SPAG16: variants seen among roughly 807,000 people sequenced by gnomAD.
The protein encoded by SPAG16 is sperm-associated antigen 16 protein.
SPAG16 carries 86 observed loss-of-function variants against 80.4 expected under a neutral mutation model. The ratio of observed to expected loss-of-function variants is 1.07; its 90% CI spans 0.90 to 1.28. The LOEUF is 1.28. SPAG16 is among the 50% of genes most tolerant of loss of function. SPAG16 has a pLI of 0.00. For missense variants in SPAG16, 870 were observed against 765.3 expected, an observed-to-expected ratio of 1.14 and a Z score of -1.61; for synonymous variants, 294 against 265.9, an observed-to-expected ratio of 1.11 and a Z score of -1.03.
chr2:213,622,909 G>C (rs1268764895), intron 10 of SPAG16, among the ~76,000 whole-genome samples: 1 of 152,126 alleles, frequency 6.6e-6, no homozygotes, highest in East Asian at 1.9e-4. Flanking sequence ...CATTATTGAT[G>C]CATCGATTTG....
chr2:213,870,290 A>T (rs777187831), intron 11 of SPAG16, among the ~76,000 whole-genome samples: 1 of 152,210 alleles, frequency 6.6e-6, no homozygotes, highest in African/African-American at 2.4e-5. Context: ...AAATGGGATT[A>T]TAACCAAGAC....
At chr2:213,848,818 C>T (rs1245189256) in intron 10 of SPAG16, among the ~76,000 whole-genome samples, 1 of 152,162 alleles carries the variant, frequency 6.6e-6, no homozygotes, top group Non-Finnish European at 1.5e-5. Flanking sequence ...CAAACCCAGA[C>T]ATTTGATCTA....
chr2:214,286,255 C>A (rs1337602869), intron 15 of SPAG16, among the ~76,000 whole-genome samples: 1 of 152,058 alleles, frequency 6.6e-6, no homozygotes, highest in Admixed American at 6.6e-5. Flanking sequence ...ATCTAACGTA[C>A]AACAATGTGA....
intron 6 of SPAG16, among the ~76,000 whole-genome samples, chr2:213,345,785 C>T (rs1055043605): frequency 3.3e-5 from 5 of 151,840 alleles, no homozygotes; most frequent in African/African-American, 7.3e-5. Context: ...TTACTGTAGC[C>T]TTGTAGTGTA....
At chr2:213,710,637 A>G (rs566857584) in intron 10 of SPAG16, among the ~76,000 whole-genome samples, 3 of 152,230 alleles carry the variant, frequency 2.0e-5, no homozygotes, top group Admixed American at 1.3e-4. Flanking sequence ...ACACTTTAGT[A>G]ACATGGCTTT....
intron 13 of SPAG16, among the ~76,000 whole-genome samples, chr2:214,059,950 T>A (rs572862784): frequency 6.6e-6 from 1 of 152,176 alleles, no homozygotes; most frequent in Non-Finnish European, 1.5e-5. Context: ...GCATCCCCAG[T>A]CCCCTCTTTT....
chr2:213,417,645 G>A (rs1292865183), intron 9 of SPAG16, among the ~76,000 whole-genome samples: 1 of 152,006 alleles, frequency 6.6e-6, no homozygotes, highest in African/African-American at 2.4e-5. Flanking sequence ...TATTCACATG[G>A]CAAAACATTC....
intron 10 of SPAG16, among the ~76,000 whole-genome samples, chr2:213,806,628 T>C (rs1282474864): frequency 6.6e-6 from 1 of 152,158 alleles, no homozygotes; most frequent in Admixed American, 6.5e-5. Flanking sequence ...ATAATTCCTA[T>C]ATCTTCCTAA....
chr2:213,365,203 C>T (rs1575378131), intron 8 of SPAG16: 1 of 152,128 alleles, frequency 6.6e-6, no homozygotes, highest in African/African-American at 2.4e-5. Flanking sequence ...TTAAACATTT[C>T]TAGATATGAA....
At chr2:213,319,766 C>G (rs941577683) in intron 5 of SPAG16, among the ~76,000 whole-genome samples, 1 of 151,896 alleles carries the variant, frequency 6.6e-6, no homozygotes, top group Non-Finnish European at 1.5e-5. Context: ...TTGTCAAGTA[C>G]TGGTTGTTTG....
chr2:213,639,378 T>C (rs532717243), intron 10 of SPAG16, among the ~76,000 whole-genome samples: 5 of 152,326 alleles, frequency 3.3e-5, no homozygotes, highest in African/African-American at 7.2e-5. Context: ...TTTTGGTATA[T>C]TTTGAGGATT....
In SPAG16 at chr2:214,015,327, A is replaced by G. The variant is rs193047873; in HGVS notation, c.1527+1250A>G. Among the ~76,000 whole-genome samples the G allele has an allele frequency of 2.8e-3, 433 of 152,070 alleles. 3 individuals are homozygous for G. Among genetic ancestry groups the G allele is most frequent in the African/African-American group, 0.01 (417 of 41,524 alleles). On this transcript the variant is annotated intron_variant, in intron 13 of 15. Transcript: ENST00000331683. Reference sequence around the variant, plus strand: ...GAAAGGGCTGGTTTCGGCTGGGTGCAGTGGCTCACGCCTGTAATCCCACCA... The same window carrying G: ...GAAAGGGCTGGTTTCGGCTGGGTGCGGTGGCTCACGCCTGTAATCCCACCA...
intron 9 of SPAG16, among the ~76,000 whole-genome samples, chr2:213,402,480 G>A (rs370804708): frequency 7.9e-5 from 12 of 151,866 alleles, no homozygotes; most frequent in East Asian, 3.9e-4. Flanking sequence ...CAACGTGCAG[G>A]TTTGTTACAT....
intron 13 of SPAG16, among the ~76,000 whole-genome samples, chr2:214,052,270 C>A (rs940326015): frequency 1.3e-5 from 2 of 152,188 alleles, no homozygotes; most frequent in African/African-American, 2.4e-5. Context: ...GGACAAGGAG[C>A]TTGGTGACCC....
chr2:213,376,132 A>G (rs2066873159), intron 9 of SPAG16, among the ~76,000 whole-genome samples: 4 of 151,720 alleles, frequency 2.6e-5, no homozygotes, highest in Admixed American at 1.3e-4. Flanking sequence ...TTGTTTTTCT[A>G]TCATAATTAT....
chr2:214,041,335 G>T (rs1388866553), intron 13 of SPAG16, among the ~76,000 whole-genome samples: 1 of 151,630 alleles, frequency 6.6e-6, no homozygotes, highest in Non-Finnish European at 1.5e-5. Flanking sequence ...AAGGAGGATT[G>T]TATCAGCTGA....
chr2:213,547,074 C>A (rs1184460889), intron 10 of SPAG16, among the ~76,000 whole-genome samples: 2 of 151,818 alleles, frequency 1.3e-5, no homozygotes, highest in Admixed American at 1.3e-4. Context: ...GTGGATCTCC[C>A]TTCAGAATTC....
chr2:213,486,489 T>G (rs1222797084), intron 9 of SPAG16, among the ~76,000 whole-genome samples: 2 of 152,144 alleles, frequency 1.3e-5, no homozygotes, highest in Admixed American at 1.3e-4. Context: ...TGGAATATTA[T>G]TCGGCCATAA....
intron 13 of SPAG16, among the ~76,000 whole-genome samples, chr2:214,096,997 GTT>G (rs2052635250): frequency 6.6e-6 from 1 of 151,922 alleles, no homozygotes; most frequent in African/African-American, 2.4e-5. Flanking sequence ...TCACAAATAT[GTT>G]TTTGAGAATT....
Sources: allele counts gnomAD v4.1 joint callset (sites outside exome capture counted in the v4.1 genomes callset), GRCh38; gene constraint gnomAD v4.1.1; transcripts MANE v1.5; gene names NCBI Gene and HGNC (gene_info 2026-07-23, HGNC 2026-07-21).